CACNG2: variants seen among roughly 807,000 people sequenced by gnomAD.
The protein encoded by CACNG2 is voltage-dependent calcium channel gamma-2 subunit.
CACNG2 carries 3 observed loss-of-function variants against 25.9 expected under a neutral mutation model. The ratio of observed to expected loss-of-function variants is 0.12; its 90% CI spans 0.05 to 0.30. The LOEUF (loss-of-function observed/expected upper bound fraction) is 0.30, where lower values mean the gene tolerates loss of function less well. Among genes scored for constraint, CACNG2 ranks in the 10% least tolerant of loss-of-function variants. CACNG2 has a pLI of 1.00. For missense variants in CACNG2, 341 were observed against 432.5 expected, an observed-to-expected ratio of 0.79 and a Z score of 1.88; for synonymous variants, 167 against 173.3, an observed-to-expected ratio of 0.96 and a Z score of 0.29.
At chr22:36,591,194 G>A (rs145583313) in intron 1 of CACNG2, among the ~76,000 whole-genome samples, 3,334 of 151,970 alleles carry the variant, frequency 0.022, 71 homozygotes, top group Middle Eastern at 0.072. Context: ...CCGCCACTAC[G>A]CCCGGCTAAT....
chr22:36,642,777 G>T (rs1936458958), intron 1 of CACNG2, among the ~76,000 whole-genome samples: 1 of 152,198 alleles, frequency 6.6e-6, no homozygotes, highest in South Asian at 2.1e-4. Flanking sequence ...GTGTAATCAT[G>T]GATAATTAGG....
In CACNG2 at chr22:36,572,653, G is replaced by C. The variant is rs139608404; in HGVS notation, c.296-6160C>G. ...GGAGGCAGAAGTTGCAGTGAGCTGA[G>C]ATCAAGCCACTGCACTCTAGCCTGG... On this transcript the variant is annotated intron_variant, in intron 2 of 3. Coordinates refer to ENST00000300105, the MANE Select transcript of CACNG2 (RefSeq NM_006078.5). Among the ~76,000 whole-genome samples the C allele has an allele frequency of 7.6e-3, 1,153 of 151,420 alleles. 21 individuals are homozygous for C. The highest frequency in any genetic ancestry group is 0.027 in the African/African-American group (1,120 of 41,228).
chr22:36,571,892 A>C lies in CACNG2; in HGVS notation c.296-5399T>G, dbSNP rs112158964. On this transcript the variant is annotated intron_variant, in intron 2 of 3. Coordinates refer to ENST00000300105, the MANE Select transcript of CACNG2 (RefSeq NM_006078.5). ...ATTCTGTCTCAAAAACAAAAAAAAAAAAAAAAAGAATTAAATTGGGTCCTA... is the reference window on the plus strand; with the variant it reads ...ATTCTGTCTCAAAAACAAAAAAAAACAAAAAAAGAATTAAATTGGGTCCTA... Among the ~76,000 whole-genome samples the C allele has an allele frequency of 2.3e-3, 348 of 152,058 alleles. No individual in the cohort carries two copies. The Middle Eastern group carries it at 0.024, about 10-fold the overall frequency.
At chr22:36,579,586 C>T (rs1213874295) in intron 2 of CACNG2, among the ~76,000 whole-genome samples, 2 of 152,038 alleles carry the variant, frequency 1.3e-5, no homozygotes, top group Admixed American at 1.3e-4. Flanking sequence ...TACTGGTAGC[C>T]TGGACATCAG....
chr22:36,686,728 T>TA (rs1472933903), intron 1 of CACNG2, among the ~76,000 whole-genome samples: 1 of 152,230 alleles, frequency 6.6e-6, no homozygotes, highest in East Asian at 1.9e-4. Flanking sequence ...ACAGGGGTTC[T>TA]AGTCCCTGCA....
intron 1 of CACNG2, among the ~76,000 whole-genome samples, chr22:36,616,654 C>T (rs1384277570): frequency 2.6e-5 from 4 of 151,490 alleles, no homozygotes; most frequent in South Asian, 2.1e-4. Flanking sequence ...AGATGCATTT[C>T]GTTCCCTATA....
Position 36,566,441 on chromosome 22 carries a change from G to A in CACNG2, c.348C>T (p.Phe116=), listed in dbSNP as rs1935127517. The A allele has an allele frequency of 1.9e-6, 3 of 1,614,150 alleles. No individual in the cohort carries two copies. In the East Asian group the frequency reaches 6.7e-5, roughly 36 times the overall value. ...IFPILSVILL[F]MGGLCIAASE... Reference sequence around the variant, plus strand: ...TGGCTGCGATGCAGAGGCCACCCATGAAAAGCAGAATCACACTCAGGATTG... The same window carrying A: ...TGGCTGCGATGCAGAGGCCACCCATAAAAAGCAGAATCACACTCAGGATTG... The change falls in exon 3 of 4, where the codon TTC becomes TTT. Residue 116 remains phenylalanine, a synonymous_variant. Transcript: ENST00000300105.
At chr22:36,670,735 G>A (rs1488970383) in intron 1 of CACNG2, among the ~76,000 whole-genome samples, 1 of 151,870 alleles carries the variant, frequency 6.6e-6, no homozygotes, top group Non-Finnish European at 1.5e-5. Context: ...GGGCTCAAGC[G>A]ATCCTCCCAC....
intron 2 of CACNG2, among the ~76,000 whole-genome samples, chr22:36,576,573 CGTGTGT>C (rs1025395207): frequency 7.0e-6 from 1 of 142,252 alleles, no homozygotes; most frequent in East Asian, 2.0e-4. Context: ...TCTGTGTGTG[CGTGTGT>C]GTGTGTGTGT....
At chr22:36,642,879 C>T (rs1247525985) in intron 1 of CACNG2, among the ~76,000 whole-genome samples, 1 of 152,184 alleles carries the variant, frequency 6.6e-6, no homozygotes, top group Non-Finnish European at 1.5e-5. Context: ...TTTTGAGCAT[C>T]ACTTATGGGC....
intron 1 of CACNG2, among the ~76,000 whole-genome samples, chr22:36,689,787 C>T (rs963465234): frequency 1.3e-5 from 2 of 152,234 alleles, no homozygotes; most frequent in African/African-American, 4.8e-5. Context: ...AAGCATGCCA[C>T]GTGGCTGGCC....
chr22:36,584,256 A>G (rs1465028796), intron 2 of CACNG2, among the ~76,000 whole-genome samples: 1 of 152,218 alleles, frequency 6.6e-6, no homozygotes, highest in African/African-American at 2.4e-5. Context: ...ATTTAAGACC[A>G]GCCAGGCTAA....
At chr22:36,587,575 A>C in intron 1 of CACNG2, 27 bp from the exon 2 acceptor site, 1 of 1,545,906 alleles carries the variant, frequency 6.5e-7, no homozygotes, top group African/African-American at 1.4e-5. Context: ...GAAGGAGCAC[A>C]TGAAACATCA....
intron 1 of CACNG2, among the ~76,000 whole-genome samples, chr22:36,634,991 T>C (rs868852431): frequency 3.3e-5 from 5 of 151,984 alleles, no homozygotes; most frequent in South Asian, 2.1e-4. Context: ...TGATGAAAAA[T>C]GGTCAATCAA....
At chr22:36,622,072 C>T (rs1160923884) in intron 1 of CACNG2, among the ~76,000 whole-genome samples, 1 of 152,252 alleles carries the variant, frequency 6.6e-6, no homozygotes, top group African/African-American at 2.4e-5. Flanking sequence ...GAAGGCACGG[C>T]TCTCATTCCC....
chr22:36,701,793 G>T (rs1041612088), intron 1 of CACNG2, among the ~76,000 whole-genome samples: 1 of 152,102 alleles, frequency 6.6e-6, no homozygotes. Flanking sequence ...TAGACATTAC[G>T]AAATGCTCTT....
At chr22:36,695,700 T>A (rs967712064) in intron 1 of CACNG2, among the ~76,000 whole-genome samples, 4 of 152,136 alleles carry the variant, frequency 2.6e-5, no homozygotes, top group African/African-American at 9.7e-5. Flanking sequence ...AGAATCCCAG[T>A]ATTATGAGCT....
chr22:36,583,443 GA>G lies in CACNG2; in HGVS notation c.295+4021del, dbSNP rs111439765. ...GCAAGATTCCGTCTCAAAAAAAAAA[GA>G]AAAAAAAAAAAGAATTAATTGAGGA... On this transcript the variant is annotated intron_variant, in intron 2 of 3. Transcript: ENST00000300105. 2.8e-3 allele frequency among the ~76,000 whole-genome samples: 405 copies of G among 146,628 alleles called. 4 individuals carry two copies. The highest frequency in any genetic ancestry group is 9.4e-3 in the African/African-American group (374 of 39,746).
intron 1 of CACNG2, among the ~76,000 whole-genome samples, chr22:36,679,185 CCTTCCTTCCTTCCTTTCTTTCTTT>C (rs1232330207): frequency 1.1e-3 from 112 of 102,574 alleles, no homozygotes; most frequent in African/African-American, 3.6e-3. Flanking sequence ...TTCCTTCCTT[CCTTCCTTCCTTCCTTTCTTTCTTT>C]CTTTCTTTCT....
Sources: gnomAD v4.1 joint callset for allele counts (sites outside exome capture counted in the v4.1 genomes callset) on GRCh38, gnomAD v4.1.1 for gene constraint, MANE v1.5 for transcripts, NCBI Gene and HGNC (gene_info 2026-07-23, HGNC 2026-07-21) for gene names.